The following CDK14 variants were observed in gnomAD, a reference collection of about 807,000 sequenced individuals.
CDK14 encodes the protein cyclin-dependent kinase 14.
A neutral mutation model predicts 60.7 loss-of-function variants in CDK14; 34 were observed. That is an observed-to-expected ratio of 0.56 (90% CI 0.43 to 0.75). The LOEUF is 0.75. Ranked by LOEUF, CDK14 falls within the 30% of genes least tolerant of loss-of-function variation. The pLI is 0.00. For synonymous variants in CDK14, 197 were observed against 203.7 expected (o/e 0.97, Z 0.28); for missense variants, 482 against 564.1 (o/e 0.85, Z 1.47).
At chr7:91,175,181 C>A (rs549551491) in intron 14 of CDK14, among the ~76,000 whole-genome samples, 7 of 151,634 alleles carry the variant, frequency 4.6e-5, no homozygotes, top group African/African-American at 1.7e-4. Context: ...GAATTTTCAA[C>A]CCAGAATTTC....
intron 12 of CDK14, among the ~76,000 whole-genome samples, chr7:91,099,256 A>C (rs908437734): frequency 6.6e-6 from 1 of 152,110 alleles, no homozygotes; most frequent in Non-Finnish European, 1.5e-5. Flanking sequence ...AATGTTTTTC[A>C]TACTGCTTGG....
intron 4 of CDK14, among the ~76,000 whole-genome samples, chr7:90,786,755 A>T (rs888898402): frequency 1.3e-4 from 20 of 148,574 alleles, no homozygotes; most frequent in Admixed American, 4.7e-4. Flanking sequence ...TTTCTCTAAA[A>T]TTTTTTTTTT....
chr7:90,963,374 C>T (rs527883512), intron 9 of CDK14, among the ~76,000 whole-genome samples: 19 of 151,682 alleles, frequency 1.3e-4, no homozygotes, highest in Non-Finnish European at 1.8e-4. Context: ...ATGATCACAC[C>T]ATTGCACTCC....
intron 2 of CDK14, among the ~76,000 whole-genome samples, chr7:90,698,104 G>A (rs1801704896): frequency 2.2e-5 from 3 of 133,654 alleles, no homozygotes; most frequent in South Asian, 2.4e-4. Context: ...AAGAAAAAAA[G>A]TGTTGCATGG....
At chr7:91,019,079 A>G (rs1380002015) in intron 10 of CDK14, among the ~76,000 whole-genome samples, 1 of 152,178 alleles carries the variant, frequency 6.6e-6, no homozygotes, top group Non-Finnish European at 1.5e-5. Context: ...TATTAGGATC[A>G]TTGTGATGAT....
Position 90,709,383 on chromosome 7 carries a change from T to G in CDK14, c.124-17184T>G. The G allele has an allele frequency of 2.9e-6, 4 of 1,368,322 alleles. No individual in the cohort carries two copies. In the South Asian group the frequency reaches 7.0e-5, roughly 24 times the overall value. 84.8% of individuals were successfully genotyped at this position (1,368,322 alleles called of 1,614,324 possible). A position where few individuals can be genotyped will look rare whatever the true frequency, so the allele number is the denominator to read the frequency against. Reference sequence around the variant, plus strand: ...CTCCAGTGCTCTTAAAAAATTGAATTGAGCATGATGAGGTGCATCCCCTTG... The same window carrying G: ...CTCCAGTGCTCTTAAAAAATTGAATGGAGCATGATGAGGTGCATCCCCTTG... On this transcript the variant is annotated intron_variant, in intron 2 of 14. Transcript: ENST00000380050.
chr7:90,778,621 C>T (rs2116920354), intron 4 of CDK14, among the ~76,000 whole-genome samples: 1 of 152,258 alleles, frequency 6.6e-6, no homozygotes, highest in South Asian at 2.1e-4. Flanking sequence ...TGATCTGGCT[C>T]CTGTCCTCTC....
chr7:90,882,461 C>T (rs1231847052), intron 6 of CDK14, among the ~76,000 whole-genome samples: 1 of 152,112 alleles, frequency 6.6e-6, no homozygotes, highest in African/African-American at 2.4e-5. Flanking sequence ...TCTTAGAGAC[C>T]TATGAGGAGA....
intron 3 of CDK14, among the ~76,000 whole-genome samples, chr7:90,738,158 T>C (rs776463967): frequency 9.9e-5 from 15 of 152,218 alleles, no homozygotes; most frequent in Non-Finnish European, 1.2e-4. Context: ...AAGAAAATAA[T>C]TCTCAATTCT....
chr7:90,999,880 C>CA (rs1405720538), intron 10 of CDK14, among the ~76,000 whole-genome samples: 13 of 152,050 alleles, frequency 8.5e-5, no homozygotes, highest in African/African-American at 1.9e-4. Context: ...TTGCGGTTTA[C>CA]AAAAAATTAT....
intron 4 of CDK14, among the ~76,000 whole-genome samples, chr7:90,762,657 A>T (rs183461727): frequency 1.5e-3 from 235 of 152,280 alleles, no homozygotes; most frequent in Non-Finnish European, 2.8e-3. Flanking sequence ...AAGCAAAAAG[A>T]TAGAGAAATA....
chr7:90,717,725 G>A (rs34339149), intron 2 of CDK14, among the ~76,000 whole-genome samples: 25,538 of 151,950 alleles, frequency 0.17, 2,318 homozygotes, highest in African/African-American at 0.21. Context: ...AATTTTTTTA[G>A]TGGCCTATTT....
intron 8 of CDK14, among the ~76,000 whole-genome samples, chr7:90,946,353 G>A (rs1444252328): frequency 6.6e-6 from 1 of 152,090 alleles, no homozygotes; most frequent in Non-Finnish European, 1.5e-5. Flanking sequence ...TTGTCACCAG[G>A]TGTCACAAAG....
chr7:90,820,626 T>A (rs2117075753), intron 5 of CDK14, among the ~76,000 whole-genome samples: 1 of 152,298 alleles, frequency 6.6e-6, no homozygotes, highest in East Asian at 1.9e-4. Context: ...CTTCTCTTTA[T>A]AAATTACCCA....
chr7:90,818,405 A>C (rs1473341732), intron 5 of CDK14, among the ~76,000 whole-genome samples: 1 of 152,234 alleles, frequency 6.6e-6, no homozygotes, highest in Non-Finnish European at 1.5e-5. Flanking sequence ...ATGGGAAAAC[A>C]TGAAAGTTCA....
intron 2 of CDK14, among the ~76,000 whole-genome samples, chr7:90,717,388 T>C (rs2116672703): frequency 6.6e-6 from 1 of 152,228 alleles, no homozygotes; most frequent in Non-Finnish European, 1.5e-5. Context: ...TCAAGCCTAT[T>C]GATGGCAAGC....
intron 2 of CDK14, among the ~76,000 whole-genome samples, chr7:90,676,813 G>T (rs4727235): frequency 6.6e-6 from 1 of 151,854 alleles, no homozygotes; most frequent in East Asian, 1.9e-4. Context: ...TGGGATTACA[G>T]GCATGAGCCA....
chr7:91,162,903 G>A (rs1348757401), intron 14 of CDK14, among the ~76,000 whole-genome samples: 1 of 152,184 alleles, frequency 6.6e-6, no homozygotes, highest in African/African-American at 2.4e-5. Flanking sequence ...TGGATGTGTG[G>A]TGTCGCTAGT....
chr7:90,613,987 T>C (rs1268434307), intron 2 of CDK14, among the ~76,000 whole-genome samples: 1 of 149,298 alleles, frequency 6.7e-6, no homozygotes, highest in East Asian at 2.0e-4. Flanking sequence ...TTTGAGACTA[T>C]TTTTTATAGT....
Sources: gnomAD v4.1 joint callset for allele counts (sites outside exome capture counted in the v4.1 genomes callset) on GRCh38, gnomAD v4.1.1 for gene constraint, MANE v1.5 for transcripts, NCBI Gene and HGNC (gene_info 2026-07-23, HGNC 2026-07-21) for gene names.